GTPBP1: variants seen among roughly 807,000 people sequenced by gnomAD.
GTPBP1 encodes the protein GTP-binding protein 1.
In GTPBP1, 23 loss-of-function variants were observed where a neutral mutation model predicts 62.0. That is an observed-to-expected ratio of 0.37 (90% CI 0.27 to 0.53). The LOEUF is 0.53. Ranked by LOEUF, GTPBP1 falls within the 20% of genes least tolerant of loss-of-function variation. The probability of loss-of-function intolerance (pLI) is 0.89; values close to 1 mark genes in which losing one functional copy is unlikely to be tolerated. For synonymous variants in GTPBP1, 344 were observed against 364.4 expected, an observed-to-expected ratio of 0.94 and a Z score of 0.64; for missense variants, 640 against 917.3, an observed-to-expected ratio of 0.70 and a Z score of 3.90.
intron 6 of GTPBP1, among the ~76,000 whole-genome samples, chr22:38,724,912 G>A (rs2092719414): frequency 6.6e-6 from 1 of 152,110 alleles, no homozygotes; most frequent in South Asian, 2.1e-4. Context: ...ATATTTATTG[G>A]ATGTTTGTTC....
At chr22:38,708,545 T>G (rs2092619635) in intron 1 of GTPBP1, among the ~76,000 whole-genome samples, 1 of 152,226 alleles carries the variant, frequency 6.6e-6, no homozygotes, top group South Asian at 2.1e-4. Context: ...AGTGCCATAT[T>G]CTCAGTCACT....
At chr22:38,721,148 C>T (rs539624919) in intron 4 of GTPBP1, among the ~76,000 whole-genome samples, 10 of 152,178 alleles carry the variant, frequency 6.6e-5, no homozygotes, top group South Asian at 2.1e-4. Context: ...GGCACGATCT[C>T]GGCTCACCAC....
chr22:38,708,996 T>C (rs753327954), intron 2 of GTPBP1, 40 bp downstream of exon 2: 25 of 1,273,830 alleles, frequency 2.0e-5, no homozygotes, highest in African/African-American at 1.6e-4. Flanking sequence ...TTAAAAATTA[T>C]TGGGCCGGGT....
intron 5 of GTPBP1, chr22:38,723,455 A>G (rs1290682628): frequency 1.9e-6 from 2 of 1,076,878 alleles, no homozygotes; most frequent in Non-Finnish European, 2.8e-6. Flanking sequence ...AATGGCACTC[A>G]CATGTCGGGC....
downstream of GTPBP1, chr22:38,734,215 G>C (rs2092781573): frequency 4.7e-6 from 2 of 428,580 alleles, no homozygotes; most frequent in Non-Finnish European, 9.5e-6. Context: ...GATCAGGCTA[G>C]AGAACCACGC....
At chr22:38,742,389 T>C (rs775900080), downstream of GTPBP1, 1 of 1,613,232 alleles carries the variant, frequency 6.2e-7, no homozygotes, top group South Asian at 1.1e-5. Flanking sequence ...CGCCAGGGTG[T>C]CCTCGTGGCT....
At chr22:38,738,098 G>T (rs2092822166), downstream of GTPBP1, 3 of 1,328,972 alleles carry the variant, frequency 2.3e-6, no homozygotes, top group African/African-American at 1.4e-5. The surrounding 1 kb of genome is among the most constrained non-coding windows in gnomAD (Gnocchi z 6.6). Flanking sequence ...GCCTGGCAGG[G>T]TAAGTGCCCA....
At position 38,726,530 on chromosome 22, in the gene GTPBP1, G is replaced by A. The variant is rs1325326707; in HGVS notation, c.1401+90G>A. The A allele has an allele frequency of 8.1e-6, 9 of 1,115,506 alleles. No individual in the cohort carries two copies. The highest frequency in any genetic ancestry group is 1.2e-5 in the Non-Finnish European group (9 of 753,604). The allele number at this position is 1,115,506 out of a possible 1,614,324, so 69.1% of individuals were successfully genotyped here. A position where few individuals can be genotyped will look rare whatever the true frequency, so the allele number is the denominator to read the frequency against. Reference sequence around the variant, plus strand: ...CCTGCTCACCCACTCTAGTCCTCATGGCTGCTCTGCAAGGTCGGGATTACT... The same window carrying A: ...CCTGCTCACCCACTCTAGTCCTCATAGCTGCTCTGCAAGGTCGGGATTACT... On this transcript the variant is annotated intron_variant, in intron 8 of 11. Coordinates refer to ENST00000216044, the MANE Select transcript of GTPBP1 (RefSeq NM_004286.5). The surrounding 1 kb of genome is among the most constrained non-coding windows in gnomAD (Gnocchi z 4.1).
At position 38,730,568 on chromosome 22, in the gene GTPBP1, T is replaced by C. The variant is rs771482595; in HGVS notation, c.1918-44T>C. 2 of 1,300,250 alleles carry C rather than the reference T, an allele frequency of 1.5e-6. No homozygotes were observed. The highest frequency in any genetic ancestry group is 2.2e-6 in the Non-Finnish European group (2 of 903,812). 80.5% of individuals were successfully genotyped at this position (1,300,250 alleles called of 1,614,324 possible). A position where few individuals can be genotyped will look rare whatever the true frequency, so the allele number is the denominator to read the frequency against. On this transcript the variant is annotated intron_variant, in intron 11 of 11. Transcript: ENST00000216044. The surrounding 1 kb of genome is among the most constrained non-coding windows in gnomAD (Gnocchi z 5.6). ...CAGCACCTCTGCTCTCTGGCCCTGC[T>C]CCTGATGGGCCAGTGCTTCTCAAGC...
Position 38,730,780 on chromosome 22 carries a change from C to T in GTPBP1, c.*76C>T. On this transcript the variant is annotated 3_prime_UTR_variant, in exon 12 of 12. Transcript: ENST00000216044. The surrounding 1 kb of genome is among the most constrained non-coding windows in gnomAD (Gnocchi z 5.6). Reference sequence around the variant, plus strand: ...CCACTCCACCAGATGGGCAGAGCAGCTATGACCGCCACCCAGCCCTCCCGC... The same window carrying T: ...CCACTCCACCAGATGGGCAGAGCAGTTATGACCGCCACCCAGCCCTCCCGC... 1.3e-6 allele frequency: 1 copy of T among 777,828 alleles called. No homozygotes were observed. Among genetic ancestry groups the T allele is most frequent in the South Asian group, 1.8e-5 (1 of 56,546 alleles). The allele number at this position is 777,828 out of a possible 1,614,324, so 48.2% of individuals were successfully genotyped here.
At chr22:38,738,544 C>T, downstream of GTPBP1, 2 of 1,591,912 alleles carry the variant, frequency 1.3e-6, no homozygotes, top group Admixed American at 3.4e-5. The surrounding 1 kb of genome is among the most constrained non-coding windows in gnomAD (Gnocchi z 6.6). Flanking sequence ...CCCACAGGAT[C>T]CCCCTGCAGC....
In GTPBP1 at chr22:38,726,231, A is replaced by T; in HGVS notation, c.1219-27A>T. On this transcript the variant is annotated intron_variant, in intron 7 of 11. Coordinates refer to ENST00000216044, the MANE Select transcript of GTPBP1 (RefSeq NM_004286.5). The surrounding 1 kb of genome is among the most constrained non-coding windows in gnomAD (Gnocchi z 4.1). ...GTGGGTCTGTGCTGGGGATGCACTT[A>T]TGAGGCCAGGGTCTTCTCCTTGGCA... is the stretch of plus-strand genomic sequence containing the variant. 6.2e-7 allele frequency: 1 copy of T among 1,612,930 alleles called. No individual in the cohort carries two copies. The highest frequency in any genetic ancestry group is 2.2e-5 in the East Asian group (1 of 44,838).
intron 4 of GTPBP1, among the ~76,000 whole-genome samples, chr22:38,718,370 T>A (rs1478641504): frequency 6.6e-6 from 1 of 152,200 alleles, no homozygotes; most frequent in Non-Finnish European, 1.5e-5. Context: ...ACATATATAT[T>A]ATCTGACTTT....
chr22:38,739,938 T>G (rs778350201), downstream of GTPBP1: 2 of 1,610,642 alleles, frequency 1.2e-6, no homozygotes, highest in Non-Finnish European at 1.7e-6. This position sits in a 1 kb window ranked among gnomAD's most constrained non-coding sequence, Gnocchi z 6.7. Flanking sequence ...GGAACTGAGA[T>G]TCCACCTATA....
At chr22:38,736,565 G>T, downstream of GTPBP1, 1 of 487,292 alleles carries the variant, frequency 2.1e-6, no homozygotes, top group South Asian at 3.4e-5. Flanking sequence ...TTTCCAGCCA[G>T]TGGGTTAAGG....
chr22:38,735,290 C>G (rs750804504), downstream of GTPBP1: 7 of 453,526 alleles, frequency 1.5e-5, no homozygotes, highest in African/African-American at 8.0e-5. Context: ...CCTGAGCGGA[C>G]GACCCCTACA....
downstream of GTPBP1, chr22:38,738,789 C>T (rs991066024): frequency 3.1e-6 from 5 of 1,607,154 alleles, no homozygotes; most frequent in Non-Finnish European, 3.4e-6. This position sits in a 1 kb window ranked among gnomAD's most constrained non-coding sequence, Gnocchi z 6.6. Context: ...GGACAGGGCC[C>T]TGAGTCCAGC....
At position 38,727,953 on chromosome 22, in the gene GTPBP1, G is replaced by A; in HGVS notation, c.1538-30G>A. On this transcript the variant is annotated intron_variant, in intron 9 of 11. Coordinates refer to ENST00000216044, the MANE Select transcript of GTPBP1 (RefSeq NM_004286.5). This position sits in a 1 kb window ranked among gnomAD's most constrained non-coding sequence, Gnocchi z 6.5. Reference sequence around the variant, plus strand: ...GTCCTGAAGCCACCAGGTGGCTCCAGCCTATCCTGACCTCTGGCTTCCTTG... The same window carrying A: ...GTCCTGAAGCCACCAGGTGGCTCCAACCTATCCTGACCTCTGGCTTCCTTG... The A allele has an allele frequency of 6.3e-7, 1 of 1,595,974 alleles. No homozygotes were observed. The highest frequency in any genetic ancestry group is 8.6e-7 in the Non-Finnish European group (1 of 1,164,162).
downstream of GTPBP1, chr22:38,741,017 C>G: frequency 6.3e-7 from 1 of 1,596,328 alleles, no homozygotes; most frequent in Non-Finnish European, 8.5e-7. Context: ...CTTTGCCACT[C>G]TGACTTCAGC....
Sources: gnomAD v4.1 joint callset for allele counts (sites outside exome capture counted in the v4.1 genomes callset) on GRCh38, gnomAD v4.1.1 for gene constraint, Gnocchi (gnomAD v3.1) non-coding constraint, MANE v1.5 for transcripts, NCBI Gene and HGNC (gene_info 2026-07-23, HGNC 2026-07-21) for gene names.